PPFIBP1: variants seen among roughly 807,000 people sequenced by gnomAD.
PPFIBP1 encodes the protein liprin-beta-1.
PPFIBP1 carries 112 observed loss-of-function variants against 137.8 expected under a neutral mutation model. The observed-to-expected ratio is 0.81, with a 90% CI of 0.70 to 0.95. PPFIBP1 has a LOEUF of 0.95. PPFIBP1 is among the 40% of genes least tolerant of loss of function. The pLI, the probability that PPFIBP1 is intolerant of heterozygous loss-of-function variation, is 0.00. For missense variants in PPFIBP1, 1,083 were observed against 1,196.6 expected (o/e 0.91, Z 1.40); for synonymous variants, 378 against 417.3 (o/e 0.91, Z 1.15).
chr12:27,627,824 G>A (rs1253155382), intron 2 of PPFIBP1, among the ~76,000 whole-genome samples: 73 of 113,674 alleles, frequency 6.4e-4, no homozygotes, highest in African/African-American at 2.3e-3. Context: ...CCCACCCCCC[G>A]CCCCGGTTTA....
intron 3 of PPFIBP1, among the ~76,000 whole-genome samples, chr12:27,634,467 A>G (rs1230111297): frequency 6.6e-6 from 1 of 152,190 alleles, no homozygotes; most frequent in Non-Finnish European, 1.5e-5. Flanking sequence ...ATCTTTCCTC[A>G]GAATTTACTC....
chr12:27,556,424 T>C (rs1415199821), intron 1 of PPFIBP1, among the ~76,000 whole-genome samples: 69 of 152,344 alleles, frequency 4.5e-4, no homozygotes, highest in Admixed American at 4.5e-3. Flanking sequence ...GCTATCATGG[T>C]AATACCCAGA....
intron 1 of PPFIBP1, among the ~76,000 whole-genome samples, chr12:27,544,685 CAAT>C (rs766319878): frequency 1.3e-5 from 2 of 152,154 alleles, no homozygotes; most frequent in Non-Finnish European, 2.9e-5. Context: ...ATGAAAACCA[CAAT>C]GAGATACCAT....
At chr12:27,554,145 C>T (rs1947053018) in intron 1 of PPFIBP1, among the ~76,000 whole-genome samples, 1 of 152,154 alleles carries the variant, frequency 6.6e-6, no homozygotes, top group African/African-American at 2.4e-5. Flanking sequence ...GCTCACAATC[C>T]CGTTAAGATT....
At chr12:27,667,824 G>A (rs2059952705) in intron 13 of PPFIBP1, among the ~76,000 whole-genome samples, 1 of 152,140 alleles carries the variant, frequency 6.6e-6, no homozygotes, top group Admixed American at 6.6e-5. Flanking sequence ...CCTCAGCTGA[G>A]GCCCCATTTA....
chr12:27,633,272 C>A, intron 2 of PPFIBP1, 90 bp from the exon 3 acceptor site: 1 of 859,908 alleles, frequency 1.2e-6, no homozygotes, highest in Non-Finnish European at 1.9e-6. Context: ...TTTGACTACA[C>A]AGCAGAGTTA....
rs2061652996 is a variant in PPFIBP1, at chr12:27,693,263, G to A, written c.*381G>A. The A allele has an allele frequency of 6.0e-6, 1 of 165,462 alleles. No individual in the cohort carries two copies. The highest frequency in any genetic ancestry group is 2.4e-5 in the African/African-American group (1 of 41,636). The allele number at this position is 165,462 out of a possible 1,614,324, so 10.2% of individuals were successfully genotyped here. On this transcript the variant is annotated 3_prime_UTR_variant, in exon 30 of 30. Transcript: ENST00000228425. The stretch of plus-strand genomic sequence containing the variant: ...ATCAGTGTTCACTGTAGCCACCTAA[G>A]TAGGACATTATATGATTTCAGAATC...
intron 2 of PPFIBP1, among the ~76,000 whole-genome samples, chr12:27,605,410 T>G (rs953346896): frequency 6.6e-6 from 1 of 152,072 alleles, no homozygotes; most frequent in African/African-American, 2.4e-5. Context: ...AGGGGAGCAC[T>G]GTGAGGGACA....
At chr12:27,667,449 A>G (rs902883886) in intron 13 of PPFIBP1, 129 bp downstream of exon 13, 14 of 818,008 alleles carry the variant, frequency 1.7e-5, no homozygotes, top group Admixed American at 3.6e-5. Flanking sequence ...GTGAGGTTAT[A>G]TAAATAAATT....
intron 10 of PPFIBP1, 140 bp from the exon 11 acceptor site, chr12:27,660,743 TA>T: frequency 7.7e-7 from 1 of 1,294,954 alleles, no homozygotes; most frequent in Non-Finnish European, 1.0e-6. Flanking sequence ...ATATGGGTGT[TA>T]AATGTGCCCT....
chr12:27,686,761 G>A (rs1423896380), intron 24 of PPFIBP1, among the ~76,000 whole-genome samples: 5 of 152,080 alleles, frequency 3.3e-5, no homozygotes, highest in Non-Finnish European at 7.4e-5. Context: ...GCCTTGCTAG[G>A]AGCGGTGCCT....
chr12:27,654,724 G>C lies in PPFIBP1; in HGVS notation c.606G>C (p.Gly202=), dbSNP rs760313055. The C allele has an allele frequency of 6.2e-7, 1 of 1,610,538 alleles. No individual in the cohort carries two copies. Among genetic ancestry groups the C allele is most frequent in the East Asian group, 2.2e-5 (1 of 44,744 alleles). Residue 202 remains glycine, a splice_region_variant and synonymous_variant, in exon 8 of 30, where the codon GGG becomes GGC. Transcript: ENST00000228425. The part of the protein sequence containing the change: ...DYEDKFRDTE[G]LIQEINDLRL... The stretch of plus-strand genomic sequence containing the variant: ...CTTTCTTGTTTCTTCTTGGACAGGG[G>C]CTGATTCAGGAGATCAATGATTTGA...
chr12:27,610,880 AT>A (rs935184084), intron 2 of PPFIBP1, among the ~76,000 whole-genome samples: 1 of 150,070 alleles, frequency 6.7e-6, no homozygotes, highest in Non-Finnish European at 1.5e-5. Flanking sequence ...GAGTTCAGTT[AT>A]TTTTCTTTTT....
At chr12:27,639,488 A>G (rs1420889782) in intron 4 of PPFIBP1, among the ~76,000 whole-genome samples, 2 of 152,232 alleles carry the variant, frequency 1.3e-5, no homozygotes, top group Non-Finnish European at 2.9e-5. Flanking sequence ...ATCCATGTCA[A>G]CAGAGGATCA....
At chr12:27,551,836 T>C (rs1946812319) in intron 1 of PPFIBP1, among the ~76,000 whole-genome samples, 1 of 152,364 alleles carries the variant, frequency 6.6e-6, no homozygotes, top group East Asian at 1.9e-4. Context: ...ACAGTATGTT[T>C]ACAAATGGAT....
intron 9 of PPFIBP1, among the ~76,000 whole-genome samples, chr12:27,658,224 T>C (rs889910625): frequency 6.6e-6 from 1 of 151,916 alleles, no homozygotes; most frequent in African/African-American, 2.4e-5. Flanking sequence ...AAGTCTGATC[T>C]GAGGACTCGA....
intron 1 of PPFIBP1, among the ~76,000 whole-genome samples, chr12:27,570,461 G>T (rs751591396): frequency 3.9e-5 from 6 of 152,048 alleles, no homozygotes; most frequent in Non-Finnish European, 8.8e-5. Context: ...CATCTTGCTT[G>T]CTTCCTTTGA....
intron 1 of PPFIBP1, among the ~76,000 whole-genome samples, chr12:27,554,147 G>T (rs761977559): frequency 2.2e-4 from 34 of 152,286 alleles, no homozygotes; most frequent in Non-Finnish European, 2.9e-4. Context: ...TCACAATCCC[G>T]TTAAGATTCC....
chr12:27,633,098 A>G (rs1038978059), intron 2 of PPFIBP1, among the ~76,000 whole-genome samples: 2 of 152,220 alleles, frequency 1.3e-5, no homozygotes, highest in African/African-American at 4.8e-5. Flanking sequence ...AGAGGCCTAG[A>G]GTTCTAGAGA....
Sources: gnomAD v4.1 joint callset for allele counts (sites outside exome capture counted in the v4.1 genomes callset) on GRCh38, gnomAD v4.1.1 for gene constraint, MANE v1.5 for transcripts, NCBI Gene and HGNC (gene_info 2026-07-23, HGNC 2026-07-21) for gene names.